Variants in IL1RAPL1 observed in about 807,000 individuals in gnomAD.
IL1RAPL1 encodes interleukin-1 receptor accessory protein-like 1.
A neutral mutation model predicts 48.4 loss-of-function variants in IL1RAPL1; 3 were observed. That is an observed-to-expected ratio of 0.06 (90% confidence interval 0.03 to 0.16). The LOEUF (loss-of-function observed/expected upper bound fraction) is 0.16. Ranked by LOEUF, IL1RAPL1 falls within the 10% of genes least tolerant of loss-of-function variation. The probability of loss-of-function intolerance (pLI) is 1.00; values close to 1 mark genes in which losing one functional copy is unlikely to be tolerated. For synonymous variants in IL1RAPL1, 185 were observed against 187.7 expected, an observed-to-expected ratio of 0.99 and a Z score of 0.12; for missense variants, 349 against 530.6, an observed-to-expected ratio of 0.66 and a Z score of 3.36.
chrX:28,747,652 A>G (rs1371601859), intron 1 of IL1RAPL1, among the ~76,000 whole-genome samples: 2 of 112,375 alleles, frequency 1.8e-5, no homozygotes, highest in Non-Finnish European at 3.8e-5. Flanking sequence ...AAACAAAATT[A>G]AAAGTTCAGC....
In IL1RAPL1 at chrX:29,380,863, C is replaced by T. The variant is rs1051299450; in HGVS notation, c.363-15395C>T. Among the ~76,000 whole-genome samples the T allele has an allele frequency of 3.6e-5, 4 of 111,341 alleles. No individual in the cohort carries two copies. The East Asian group carries it at 8.5e-4, about 24-fold the overall frequency. ...GAAGAGAATGAATAGAGGCATATTA[C>T]AATCAGGAATAGACTTACTAATAAA... On this transcript the variant is annotated intron_variant, in intron 3 of 10. Transcript: ENST00000378993.
intron 1 of IL1RAPL1, among the ~76,000 whole-genome samples, chrX:28,778,969 C>A (rs1193843789): frequency 9.0e-6 from 1 of 111,469 alleles, no homozygotes; most frequent in Non-Finnish European, 1.9e-5. Context: ...ATTCATCTGG[C>A]CATTTTACAG....
At position 28,599,234 on chromosome X, in the gene IL1RAPL1, A is replaced by G. The variant is rs758617612; in HGVS notation, c.-25+11187A>G. On this transcript the variant is annotated intron_variant, in intron 1 of 10. Coordinates refer to ENST00000378993, the MANE Select transcript of IL1RAPL1 (RefSeq NM_014271.4). ...ACCATTGCACTCCAGCCTGGGTGACAGAGCGAGACTCCATCTCAAAAAAAA... is the reference window on the plus strand; with the variant it reads ...ACCATTGCACTCCAGCCTGGGTGACGGAGCGAGACTCCATCTCAAAAAAAA... Among the ~76,000 whole-genome samples, 47 of 101,016 alleles carry G rather than the reference A, an allele frequency of 4.7e-4. 1 individual carries two copies. The highest frequency in any genetic ancestry group is 9.2e-4 in the Non-Finnish European group (46 of 49,789). 87.7% of individuals were successfully genotyped at this position (101,016 alleles called of 115,157 possible).
intron 2 of IL1RAPL1, among the ~76,000 whole-genome samples, chrX:29,275,381 C>A (rs1043412298): frequency 9.0e-6 from 1 of 111,611 alleles, no homozygotes; most frequent in African/African-American, 3.3e-5. Context: ...CCAAACCTGT[C>A]TTTTCTGCAC....
chrX:29,501,556 T>C (rs1020814980), intron 5 of IL1RAPL1, among the ~76,000 whole-genome samples: 12 of 111,696 alleles, frequency 1.1e-4, no homozygotes, highest in African/African-American at 3.6e-4. Flanking sequence ...CCCAGCGCTA[T>C]TTATTGAAGA....
intron 2 of IL1RAPL1, among the ~76,000 whole-genome samples, chrX:28,878,068 A>G (rs1601941918): frequency 8.9e-6 from 1 of 112,266 alleles, no homozygotes; most frequent in East Asian, 2.8e-4. Flanking sequence ...GGCACTATTC[A>G]AAAGGATTAT....
At chrX:28,977,423 A>T (rs1049040505) in intron 2 of IL1RAPL1, among the ~76,000 whole-genome samples, 12 of 111,240 alleles carry the variant, frequency 1.1e-4, no homozygotes, top group African/African-American at 3.9e-4. Flanking sequence ...AAACAACCAG[A>T]TCTCATAAGA....
chrX:28,778,277 C>T (rs1046531615), intron 1 of IL1RAPL1, among the ~76,000 whole-genome samples: 4 of 111,941 alleles, frequency 3.6e-5, no homozygotes, highest in African/African-American at 1.3e-4. Flanking sequence ...TAATAAATTC[C>T]TCAGTGTACT....
intron 3 of IL1RAPL1, among the ~76,000 whole-genome samples, chrX:29,333,733 A>G (rs1420038289): frequency 1.4e-5 from 1 of 70,674 alleles, no homozygotes; most frequent in Non-Finnish European, 2.6e-5. Context: ...TCCCTCCCGG[A>G]CGGGGCGGCT....
intron 2 of IL1RAPL1, among the ~76,000 whole-genome samples, chrX:28,817,370 C>T (rs1237723118): frequency 1.8e-5 from 2 of 110,956 alleles, no homozygotes; most frequent in Non-Finnish European, 3.8e-5. Flanking sequence ...AATATCATTT[C>T]ATTTGTAGTA....
Position 29,886,426 on chromosome X carries a change from C to T in IL1RAPL1, c.779-31038C>T, listed in dbSNP as rs185169508. On this transcript the variant is annotated intron_variant, in intron 6 of 10. Transcript: ENST00000378993. ...CAGAGGTTTTGATCATATCAAGTTT[C>T]ACTTAATAAAGATGAGTAGAGGGCA... is the stretch of plus-strand genomic sequence containing the variant. 3.8e-4 allele frequency among the ~76,000 whole-genome samples: 42 copies of T among 111,921 alleles called. 1 individual carries two copies. The Middle Eastern group carries it at 0.018, about 49-fold the overall frequency.
At chrX:29,803,166 CAT>C (rs1322382832) in intron 6 of IL1RAPL1, among the ~76,000 whole-genome samples, 5 of 76,802 alleles carry the variant, frequency 6.5e-5, no homozygotes, top group Admixed American at 1.5e-4. Context: ...CATGCATACA[CAT>C]ATGCATACAT....
rs371114991 is a variant in IL1RAPL1, at chrX:28,763,648, T to C, written c.-24-25672T>C. Among the ~76,000 whole-genome samples, 4 of 111,732 alleles carry C rather than the reference T, an allele frequency of 3.6e-5. No homozygotes were observed. In the East Asian group the frequency reaches 1.1e-3, roughly 32 times the overall value. ...ACTTACCTCAGAATCAATGACCTTA[T>C]GCTTAGAGGGAGCAGCATGAACTAG... On this transcript the variant is annotated intron_variant, in intron 1 of 10. Transcript: ENST00000378993.
intron 3 of IL1RAPL1, among the ~76,000 whole-genome samples, chrX:29,303,041 G>A (rs1452342162): frequency 2.7e-5 from 3 of 111,999 alleles, no homozygotes; most frequent in Non-Finnish European, 5.6e-5. Context: ...CCTGATTGAG[G>A]GTTTCTTCTA....
At chrX:29,167,260 T>G (rs1602091702) in intron 2 of IL1RAPL1, among the ~76,000 whole-genome samples, 1 of 110,428 alleles carries the variant, frequency 9.1e-6, no homozygotes, top group African/African-American at 3.3e-5. Flanking sequence ...TAGTGATAAA[T>G]GTAGAGAGAG....
chrX:28,831,090 G>C (rs1232512100), intron 2 of IL1RAPL1, among the ~76,000 whole-genome samples: 1 of 82,781 alleles, frequency 1.2e-5, no homozygotes, highest in African/African-American at 4.7e-5. Context: ...GTATGTGTAA[G>C]CACATTTTCA....
At chrX:28,694,912 G>A (rs746040318) in intron 1 of IL1RAPL1, among the ~76,000 whole-genome samples, 7 of 110,981 alleles carry the variant, frequency 6.3e-5, no homozygotes, top group Non-Finnish European at 1.3e-4. Flanking sequence ...TGATCCTCCT[G>A]GTTCTTAACC....
chrX:29,004,469 G>T (rs751505657), intron 2 of IL1RAPL1, among the ~76,000 whole-genome samples: 4 of 111,808 alleles, frequency 3.6e-5, no homozygotes, highest in African/African-American at 9.7e-5. Flanking sequence ...AGTAATTTTC[G>T]TAGGCAGTGA....
chrX:28,887,194 T>G (rs1029163044), intron 2 of IL1RAPL1, among the ~76,000 whole-genome samples: 1 of 110,733 alleles, frequency 9.0e-6, no homozygotes, highest in African/African-American at 3.3e-5. Flanking sequence ...TGAATGAGAT[T>G]AAGGCCCTTA....
Sources: gnomAD v4.1 joint callset for allele counts (sites outside exome capture counted in the v4.1 genomes callset) on GRCh38, gnomAD v4.1.1 for gene constraint, MANE v1.5 for transcripts, NCBI Gene and HGNC (gene_info 2026-07-23, HGNC 2026-07-21) for gene names.